The following EDA variants were observed in gnomAD, a reference collection of about 807,000 sequenced individuals.
The protein encoded by EDA is ectodysplasin A.
EDA carries 2 observed loss-of-function variants against 23.6 expected under a neutral mutation model. That is an observed-to-expected ratio of 0.08 (90% confidence interval 0.03 to 0.27). The LOEUF is 0.27. EDA is among the 10% of genes least tolerant of loss of function. The pLI is 1.00. For synonymous variants in EDA, 131 were observed against 132.0 expected (o/e 0.99, Z 0.05); for missense variants, 229 against 324.2 (o/e 0.71, Z 2.26).
intron 1 of EDA, among the ~76,000 whole-genome samples, chrX:69,868,658 A>G (rs1019372289): frequency 3.6e-5 from 4 of 112,253 alleles, no homozygotes; most frequent in Non-Finnish European, 7.5e-5. Context: ...GTCTCTCCAA[A>G]TAAGATTATG....
chrX:69,743,709 G>A (rs890543657), intron 1 of EDA, among the ~76,000 whole-genome samples: 4 of 112,017 alleles, frequency 3.6e-5, no homozygotes, highest in African/African-American at 1.3e-4. Flanking sequence ...AGTGTTAACT[G>A]CCCACATGAA....
chrX:69,877,465 T>C (rs543945323), intron 1 of EDA, among the ~76,000 whole-genome samples: 1 of 112,582 alleles, frequency 8.9e-6, no homozygotes, highest in Non-Finnish European at 1.9e-5. Flanking sequence ...ATTAATAAAG[T>C]TGAATATCTT....
chrX:69,764,597 C>T (rs2014417705), intron 1 of EDA, among the ~76,000 whole-genome samples: 1 of 110,877 alleles, frequency 9.0e-6, no homozygotes, highest in Admixed American at 9.6e-5. Flanking sequence ...ATAAGTATTA[C>T]ATAATAAAAG....
At chrX:69,721,184 C>T (rs2012564496) in intron 1 of EDA, among the ~76,000 whole-genome samples, 1 of 111,481 alleles carries the variant, frequency 9.0e-6, no homozygotes, top group Non-Finnish European at 1.9e-5. Flanking sequence ...TTCCCAAGGC[C>T]TACCATTGAT....
At chrX:69,802,129 A>G (rs966585338) in intron 1 of EDA, among the ~76,000 whole-genome samples, 5 of 110,884 alleles carry the variant, frequency 4.5e-5, no homozygotes, top group Non-Finnish European at 9.4e-5. Context: ...GCAAGGGAAT[A>G]AATAAATTAT....
chrX:69,885,018 G>T (rs1356042786), intron 1 of EDA, among the ~76,000 whole-genome samples: 7 of 111,738 alleles, frequency 6.3e-5, no homozygotes, highest in African/African-American at 2.3e-4. Flanking sequence ...CACCCTAATG[G>T]ATATAAAGTG....
intron 1 of EDA, among the ~76,000 whole-genome samples, chrX:69,820,860 A>G (rs1302472578): frequency 8.9e-6 from 1 of 111,865 alleles, no homozygotes; most frequent in East Asian, 2.8e-4. Flanking sequence ...CAGAAATACT[A>G]TTTGACCCAG....
chrX:69,636,211 C>T (rs1280522079), intron 1 of EDA, among the ~76,000 whole-genome samples: 1 of 110,279 alleles, frequency 9.1e-6, no homozygotes. Flanking sequence ...AGTGAGTTCT[C>T]ATGAGGTCTG....
rs765218801 is a variant in EDA, at chrX:69,616,361, G to C, written c.53G>C (p.Arg18Pro). The C allele has an allele frequency of 1.7e-6, 2 of 1,207,121 alleles. No homozygotes were observed. Among genetic ancestry groups the C allele is most frequent in the Non-Finnish European group, 2.2e-6 (2 of 894,679 alleles). The stretch of plus-strand genomic sequence containing the variant: ...GAACTCCTGCCTGCAGCAGCGCCGC[G>C]GGAGCGAGGGAGCCAGGGCTGCGGG... ...RRELLPAAAP[R>P]ERGSQGCGCG... The change falls in exon 1 of 8, where the codon CGG becomes CCG. Residue 18 changes from arginine (R) to proline (P), a missense_variant. This residue lies in a region of EDA where 54 missense variants were observed against 42.4 expected (regional missense o/e 1.27). Coordinates refer to ENST00000374552, the MANE Select transcript of EDA (RefSeq NM_001399.5).
chrX:70,022,604 G>A (rs1318579541), intron 2 of EDA, among the ~76,000 whole-genome samples: 1 of 110,895 alleles, frequency 9.0e-6, no homozygotes, highest in Non-Finnish European at 1.9e-5. Context: ...CCAAAGTGCT[G>A]GGATTACAGG....
chrX:69,819,927 A>G (rs1348480653), intron 1 of EDA, among the ~76,000 whole-genome samples: 4 of 107,404 alleles, frequency 3.7e-5, no homozygotes, highest in Non-Finnish European at 7.9e-5. Flanking sequence ...AAAACACCCA[A>G]ATAGCCAAGA....
At chrX:69,914,100 G>A (rs2018307757) in intron 1 of EDA, among the ~76,000 whole-genome samples, 1 of 112,039 alleles carries the variant, frequency 8.9e-6, no homozygotes, top group Admixed American at 9.5e-5. Context: ...ACCAAAATGT[G>A]ACACAGAGAC....
intron 1 of EDA, among the ~76,000 whole-genome samples, chrX:69,877,555 TC>T (rs1490197089): frequency 9.0e-6 from 1 of 111,459 alleles, no homozygotes; most frequent in Non-Finnish European, 1.9e-5. Flanking sequence ...CTTTTGAGAG[TC>T]CTTTATATTT....
intron 1 of EDA, among the ~76,000 whole-genome samples, chrX:69,918,845 A>G (rs1366423503): frequency 1.8e-5 from 2 of 112,218 alleles, no homozygotes; most frequent in Non-Finnish European, 3.8e-5. Context: ...AGCAGGAACT[A>G]GAGTAGACTT....
chrX:69,746,943 G>A (rs1394264988), intron 1 of EDA, among the ~76,000 whole-genome samples: 1 of 110,931 alleles, frequency 9.0e-6, no homozygotes, highest in African/African-American at 3.3e-5. Context: ...TTCATTAAGA[G>A]GTTTAACACT....
chrX:69,934,183 T>C (rs1446151117), intron 1 of EDA, among the ~76,000 whole-genome samples: 1 of 112,003 alleles, frequency 8.9e-6, no homozygotes, highest in Non-Finnish European at 1.9e-5. Flanking sequence ...TTCCAGATAG[T>C]AGAGGTCTTT....
At chrX:70,012,820 G>A (rs900767112) in intron 2 of EDA, among the ~76,000 whole-genome samples, 4 of 110,141 alleles carry the variant, frequency 3.6e-5, no homozygotes, top group Admixed American at 9.6e-5. Context: ...AAGGCCTCCC[G>A]ACCTGAGACC....
chrX:69,833,793 T>C (rs2016690001), intron 1 of EDA, among the ~76,000 whole-genome samples: 2 of 111,453 alleles, frequency 1.8e-5, no homozygotes, highest in Admixed American at 1.9e-4. Context: ...GTCCTGGAAT[T>C]CATCCATTTC....
At chrX:69,698,579 T>C (rs777736952) in intron 1 of EDA, among the ~76,000 whole-genome samples, 1 of 111,601 alleles carries the variant, frequency 9.0e-6, no homozygotes, top group South Asian at 3.8e-4. Context: ...AAAAGAAAAG[T>C]TCGGCCATAC....
Sources: gnomAD v4.1 joint callset for allele counts (sites outside exome capture counted in the v4.1 genomes callset) on GRCh38, gnomAD v4.1.1 for gene constraint, gnomAD v4.1.1 regional missense constraint, MANE v1.5 for transcripts, NCBI Gene and HGNC (gene_info 2026-07-23, HGNC 2026-07-21) for gene names.